CIP2A: variants seen among roughly 807,000 people sequenced by gnomAD.
The protein encoded by CIP2A is cellular inhibitor of PP2A, also known as protein CIP2A.
In CIP2A, 103 loss-of-function variants were observed where a neutral mutation model predicts 110.9. The ratio of observed to expected loss-of-function variants is 0.93; its 90% CI spans 0.79 to 1.09. The LOEUF is 1.09. Ranked by LOEUF, CIP2A falls within the 50% of genes least tolerant of loss-of-function variation. CIP2A has a pLI of 0.00. For missense variants in CIP2A, 1,088 were observed against 1,038.4 expected (o/e 1.05, Z -0.66); for synonymous variants, 381 against 361.6 (o/e 1.05, Z -0.61).
chr3:108,589,260 C>G lies in CIP2A; in HGVS notation c.102+14G>C, dbSNP rs1477109273. 6.2e-7 allele frequency: 1 copy of G among 1,604,960 alleles called. No individual in the cohort carries two copies. The highest frequency in any genetic ancestry group is 1.7e-5 in the Admixed American group (1 of 59,988). ...GGGGAAGCCCCATCTGTCCTCTACC[C>G]CAGAGCCTCTCACCTCCAAGTGCCG... On this transcript the variant is annotated intron_variant, in intron 1 of 20. Coordinates refer to ENST00000295746, the MANE Select transcript of CIP2A (RefSeq NM_020890.3).
At position 108,553,673 on chromosome 3, in the gene CIP2A, T is replaced by G; in HGVS notation, c.2382A>C (p.Leu794=). The change falls in exon 19 of 21, where the codon CTA becomes CTC. Residue 794 remains leucine (L), a synonymous_variant. Coordinates refer to ENST00000295746, the MANE Select transcript of CIP2A (RefSeq NM_020890.3). ...EEQRKEVQNQ[L]VDREHKLANL... is the part of the protein sequence containing the mutation. ...TTGCTAGCTTATGTTCTCTGTCTAC[T>G]AGCTGATTCTGTACTTCTTTTCTCT... The G allele has an allele frequency of 4.6e-6, 7 of 1,527,466 alleles. No individual in the cohort carries two copies. The highest frequency in any genetic ancestry group is 6.3e-6 in the Non-Finnish European group (7 of 1,103,070). 94.6% of individuals were successfully genotyped at this position (1,527,466 alleles called of 1,614,324 possible). A position where few individuals can be genotyped will look rare whatever the true frequency, so the allele number is the denominator to read the frequency against.
intron 8 of CIP2A, among the ~76,000 whole-genome samples, chr3:108,574,248 G>A (rs1938491797): frequency 6.6e-6 from 1 of 151,912 alleles, no homozygotes; most frequent in Non-Finnish European, 1.5e-5. Flanking sequence ...CAATGAATAT[G>A]TAAAATGATA....
In CIP2A at chr3:108,560,650, A is replaced by T. The variant is rs1339981266; in HGVS notation, c.1826T>A (p.Val609Glu). ...TATAATTGCTATTTTTTCACTCACC[A>T]CCATTCCAGACTGAAGTTTCTCTAT... ...ELIEKLQSGM[V>E]VKDQICDVRI... Residue 609 changes from valine to glutamate, a missense_variant and splice_region_variant, in exon 14 of 21, where the codon GTG becomes GAG. Val to Glu is a moderately radical substitution (Grantham distance 121). Coordinates refer to ENST00000295746, the MANE Select transcript of CIP2A (RefSeq NM_020890.3). The T allele has an allele frequency of 1.1e-5, 17 of 1,594,956 alleles. No individual in the cohort carries two copies. The highest frequency in any genetic ancestry group is 1.4e-5 in the Non-Finnish European group (16 of 1,168,964).
In CIP2A at chr3:108,551,220, G is replaced by T. The variant is rs1326215386; in HGVS notation, c.2647C>A (p.His883Asn). ...LQQEELNKHS[H>N]MIAMIHSLSG... ...AAACTGTGGATCATTGCTATCATGT[G>T]GGAGTGTTTGTTCAATTCCTCTTGC... is the stretch of plus-strand genomic sequence containing the variant. The change falls in exon 21 of 21, where the codon CAC (histidine) becomes AAC (asparagine). Residue 883 changes from histidine to asparagine, a missense_variant. His to Asn is a moderately conservative substitution (Grantham distance 68, BLOSUM62 1). Coordinates refer to ENST00000295746, the MANE Select transcript of CIP2A (RefSeq NM_020890.3). The T allele has an allele frequency of 6.2e-7, 1 of 1,611,782 alleles. No individual in the cohort carries two copies. The highest frequency in any genetic ancestry group is 1.1e-5 in the South Asian group (1 of 90,888).
chr3:108,571,417 C>T (rs1367452193), intron 8 of CIP2A, among the ~76,000 whole-genome samples: 1 of 152,164 alleles, frequency 6.6e-6, no homozygotes, highest in East Asian at 1.9e-4. Flanking sequence ...AATAAGAAGT[C>T]TGTGTCTGTC....
intron 19 of CIP2A, 127 bp from the exon 20 acceptor site, chr3:108,552,500 A>C: frequency 2.0e-6 from 1 of 504,086 alleles, no homozygotes; most frequent in Non-Finnish European, 3.3e-6. Context: ...TTCTCTTATG[A>C]CAGTATTCTA....
chr3:108,577,585 G>C (rs897817414), intron 7 of CIP2A, among the ~76,000 whole-genome samples: 2 of 152,088 alleles, frequency 1.3e-5, no homozygotes, highest in Admixed American at 1.3e-4. Context: ...TGCATAAAAG[G>C]TAGCAAGAGA....
chr3:108,584,475 GCTGT>G (rs1207931217), intron 2 of CIP2A, among the ~76,000 whole-genome samples: 1 of 152,144 alleles, frequency 6.6e-6, no homozygotes, highest in Non-Finnish European at 1.5e-5. Context: ...CTATGTCTGG[GCTGT>G]CTAATTTGGT....
Position 108,566,521 on chromosome 3 carries a change from G to A in CIP2A, c.1391C>T (p.Thr464Ile), listed in dbSNP as rs146242979. 5.2e-5 allele frequency: 83 copies of A among 1,607,938 alleles called. No individual in the cohort carries two copies. The highest frequency in any genetic ancestry group is 7.0e-5 in the Non-Finnish European group (82 of 1,176,964). Residue 464 changes from threonine to isoleucine, a missense_variant, in exon 11 of 21, where the codon ACA becomes ATA. Thr to Ile is a moderately conservative substitution (Grantham distance 89). Coordinates refer to ENST00000295746, the MANE Select transcript of CIP2A (RefSeq NM_020890.3). ...CCATAATTCAGAATCTGCAACCTTT[G>A]TTCCAAATCCCAGGTCAATCTTGCC... ...TYGKIDLGFG[T>I]KVADSELCKL...
Position 108,581,483 on chromosome 3 carries a change from G to A in CIP2A, c.481C>T (p.Pro161Ser). The A allele has an allele frequency of 6.2e-7, 1 of 1,612,046 alleles. No homozygotes were observed. Among genetic ancestry groups the A allele is most frequent in the Non-Finnish European group, 8.5e-7 (1 of 1,178,626 alleles). Reference sequence around the variant, plus strand: ...AGATTTGCCAATAATCCTAGACAAGGCATTTTTAACTCATCTTCAGAAGAT... The same window carrying A: ...AGATTTGCCAATAATCCTAGACAAGACATTTTTAACTCATCTTCAGAAGAT... ...IQSSEDELKM[P>S]CLGLLANLCR... The change falls in exon 5 of 21, where the codon CCT becomes TCT. Residue 161 changes from proline to serine, a missense_variant. Pro to Ser is a moderately conservative substitution (Grantham distance 74). Transcript: ENST00000295746.
At chr3:108,580,634 T>C (rs1057234646) in intron 5 of CIP2A, among the ~76,000 whole-genome samples, 1 of 150,136 alleles carries the variant, frequency 6.7e-6, no homozygotes, top group African/African-American at 2.5e-5. Flanking sequence ...TAATATACTT[T>C]GTTTTTTTTT....
At chr3:108,585,719 C>T (rs1318453348) in intron 1 of CIP2A, 1 of 456,448 alleles carries the variant, frequency 2.2e-6, no homozygotes, top group East Asian at 6.9e-5. Context: ...GGGATTATTC[C>T]TTCTGCTTCT....
intron 8 of CIP2A, 53 bp from the exon 9 acceptor site, chr3:108,569,660 C>T: frequency 7.5e-7 from 1 of 1,326,074 alleles, no homozygotes; most frequent in East Asian, 2.4e-5. Context: ...CTTTAATATA[C>T]AAAGCAAGTG....
At chr3:108,558,855 A>G (rs1182128603) in intron 16 of CIP2A, among the ~76,000 whole-genome samples, 1 of 152,202 alleles carries the variant, frequency 6.6e-6, no homozygotes, top group East Asian at 1.9e-4. Context: ...AAGAATGCGC[A>G]GAAATGAAAG....
At position 108,564,577 on chromosome 3, in the gene CIP2A, T is replaced by C. The variant is rs577581145; in HGVS notation, c.1515+778A>G. Among the ~76,000 whole-genome samples the C allele has an allele frequency of 9.2e-5, 14 of 151,950 alleles. 1 individual carries two copies. The South Asian group carries it at 2.5e-3, about 27-fold the overall frequency. The stretch of plus-strand genomic sequence containing the variant: ...CATGTAATCAAACTGCACTTTGAAA[T>C]GGGCCAGTTTTCCAAAAAACCAGGA... On this transcript the variant is annotated intron_variant, in intron 12 of 20. Coordinates refer to ENST00000295746, the MANE Select transcript of CIP2A (RefSeq NM_020890.3).
intron 13 of CIP2A, 130 bp from the exon 14 acceptor site, chr3:108,560,971 G>A (rs1263731737): frequency 2.2e-5 from 12 of 547,934 alleles, no homozygotes; most frequent in Non-Finnish European, 3.4e-5. Context: ...TAATCTTGGA[G>A]ACCATGATGA....
At chr3:108,570,524 C>T (rs898238890) in intron 8 of CIP2A, among the ~76,000 whole-genome samples, 1 of 152,094 alleles carries the variant, frequency 6.6e-6, no homozygotes, top group Non-Finnish European at 1.5e-5. Context: ...CCCTTTATTG[C>T]CCGTGGGCTA....
intron 17 of CIP2A, among the ~76,000 whole-genome samples, chr3:108,555,879 G>C (rs562436444): frequency 1.3e-5 from 2 of 152,102 alleles, no homozygotes; most frequent in Admixed American, 1.3e-4. Flanking sequence ...AAAAATCCTT[G>C]CTTGCAAGCT....
intron 12 of CIP2A, among the ~76,000 whole-genome samples, chr3:108,563,688 C>T (rs1266781074): frequency 6.6e-6 from 1 of 151,972 alleles, no homozygotes; most frequent in Non-Finnish European, 1.5e-5. Context: ...CGAAAAAATA[C>T]AGTTACTTCA....
Sources: gnomAD v4.1 joint callset for allele counts (sites outside exome capture counted in the v4.1 genomes callset) on GRCh38, gnomAD v4.1.1 for gene constraint, MANE v1.5 for transcripts, NCBI Gene and HGNC (gene_info 2026-07-23, HGNC 2026-07-21) for gene names.